The following GABRB3 variants were observed in gnomAD, a reference collection of about 807,000 sequenced individuals.
GABRB3 encodes the protein gamma-aminobutyric acid receptor subunit beta-3.
GABRB3 carries 14 observed loss-of-function variants against 52.1 expected under a neutral mutation model. The observed-to-expected ratio is 0.27, with a 90% CI of 0.18 to 0.42. The LOEUF (loss-of-function observed/expected upper bound fraction) is 0.42, where lower values mean the gene tolerates loss of function less well. GABRB3 is among the 10% of genes least tolerant of loss of function. GABRB3 has a pLI of 1.00. For synonymous variants in GABRB3, 260 were observed against 232.3 expected, an observed-to-expected ratio of 1.12 and a Z score of -1.08; for missense variants, 307 against 609.1, an observed-to-expected ratio of 0.50 and a Z score of 5.22.
intron 3 of GABRB3, among the ~76,000 whole-genome samples, chr15:26,753,986 A>G (rs1017739580): frequency 2.8e-4 from 42 of 152,214 alleles, no homozygotes; most frequent in African/African-American, 9.9e-4. Flanking sequence ...AAGATAAAAT[A>G]ATAAATGTAT....
At position 26,545,478 on chromosome 15, in the gene GABRB3, A is replaced by G. The variant is rs1254406155; in HGVS notation, c.*2315T>C. On this transcript the variant is annotated 3_prime_UTR_variant, in exon 9 of 9. Transcript: ENST00000311550. Reference sequence around the variant, plus strand: ...TTTAAATCACTTTTCTCCCAGAAAGAATTAATGTCACAGTTCTGAATAGTA... The same window carrying G: ...TTTAAATCACTTTTCTCCCAGAAAGGATTAATGTCACAGTTCTGAATAGTA... The G allele has an allele frequency of 6.6e-6, 1 of 152,606 alleles. No homozygotes were observed. Among genetic ancestry groups the G allele is most frequent in the African/African-American group, 2.4e-5 (1 of 41,442 alleles). The allele number at this position is 152,606 out of a possible 1,614,324, so 9.5% of individuals were successfully genotyped here.
chr15:26,568,148 A>C (rs1567113767), intron 6 of GABRB3, among the ~76,000 whole-genome samples: 1 of 152,186 alleles, frequency 6.6e-6, no homozygotes, highest in African/African-American at 2.4e-5. Context: ...GCCCACCTGG[A>C]GTTCAGCCCT....
chr15:26,687,449 C>T (rs61998713), intron 3 of GABRB3, among the ~76,000 whole-genome samples: 17,104 of 152,096 alleles, frequency 0.11, 1,062 homozygotes, highest in Non-Finnish European at 0.15. Context: ...CCTAAATCAG[C>T]GTGACCTGAC....
chr15:26,655,733 C>T (rs1162092701), intron 3 of GABRB3, among the ~76,000 whole-genome samples: 3 of 146,948 alleles, frequency 2.0e-5, no homozygotes, highest in East Asian at 4.1e-4. Flanking sequence ...CACAGCGAGA[C>T]TCTGTCTCAA....
At chr15:26,734,912 TCAAAACAAAA>T (rs1237465656) in intron 3 of GABRB3, among the ~76,000 whole-genome samples, 1 of 151,750 alleles carries the variant, frequency 6.6e-6, no homozygotes, top group Non-Finnish European at 1.5e-5. Flanking sequence ...CAAGAACCAG[TCAAAACAAAA>T]CAAAACAAAA....
At chr15:26,688,574 T>C (rs1390603819) in intron 3 of GABRB3, among the ~76,000 whole-genome samples, 1 of 152,166 alleles carries the variant, frequency 6.6e-6, no homozygotes, top group Non-Finnish European at 1.5e-5. Flanking sequence ...GAGCCATAGG[T>C]GTGTCACCGA....
intron 3 of GABRB3, among the ~76,000 whole-genome samples, chr15:26,717,568 C>A (rs1034375962): frequency 6.6e-6 from 1 of 152,222 alleles, no homozygotes; most frequent in Non-Finnish European, 1.5e-5. Flanking sequence ...GCCTTCCCAA[C>A]AACGCTCATC....
At position 26,772,394 on chromosome 15, in the gene GABRB3, G is replaced by C. The variant is rs778479790; in HGVS notation, c.240+8C>G. 1 of 1,605,460 alleles carries C rather than the reference G, an allele frequency of 6.2e-7. No individual in the cohort carries two copies. The highest frequency in any genetic ancestry group is 1.3e-5 in the African/African-American group (1 of 74,672). Reference sequence around the variant, plus strand: ...CTCAGGGACCGCCCTGGGAGGGCGGGCACTCACCATGTTGACTTCGGAAAC... The same window carrying C: ...CTCAGGGACCGCCCTGGGAGGGCGGCCACTCACCATGTTGACTTCGGAAAC... On this transcript the variant is annotated splice_region_variant and intron_variant, in intron 3 of 8. Transcript: ENST00000311550.
At chr15:26,607,114 G>A (rs1435207072) in intron 4 of GABRB3, among the ~76,000 whole-genome samples, 2 of 151,982 alleles carry the variant, frequency 1.3e-5, no homozygotes, top group African/African-American at 4.8e-5. Flanking sequence ...TCTGATTCCC[G>A]TACCTCACTT....
At chr15:26,773,626 C>G (rs536031008), upstream of GABRB3, 193 of 1,548,600 alleles carry the variant, frequency 1.2e-4, 1 homozygote, top group South Asian at 2.2e-3. Flanking sequence ...TGCAGAACGC[C>G]GGGAAGCCCC....
intron 4 of GABRB3, among the ~76,000 whole-genome samples, chr15:26,607,079 A>C (rs1164254602): frequency 6.6e-6 from 1 of 152,112 alleles, no homozygotes; most frequent in Non-Finnish European, 1.5e-5. Context: ...AGCTGTAACC[A>C]ATCTCGCTGT....
chr15:26,614,787 T>G (rs1420699892), intron 4 of GABRB3: 4 of 152,234 alleles, frequency 2.6e-5, no homozygotes, highest in African/African-American at 9.6e-5. Flanking sequence ...ATTTTAATAT[T>G]GCTTTCAATC....
intron 3 of GABRB3, among the ~76,000 whole-genome samples, chr15:26,688,421 T>A (rs1197272366): frequency 6.6e-6 from 1 of 152,170 alleles, no homozygotes; most frequent in Non-Finnish European, 1.5e-5. Context: ...TTTACAATTA[T>A]CTGTCCATGG....
At chr15:26,628,693 A>C (rs1892805071) in intron 3 of GABRB3, among the ~76,000 whole-genome samples, 1 of 144,550 alleles carries the variant, frequency 6.9e-6, no homozygotes, top group South Asian at 2.3e-4. Context: ...AAAAAAACAA[A>C]AAAACAAAAC....
At chr15:26,557,904 T>G (rs1207051040) in intron 8 of GABRB3, 1 of 152,222 alleles carries the variant, frequency 6.6e-6, no homozygotes, top group Admixed American at 6.5e-5. Context: ...TTTTTGTCTT[T>G]TTATCTTAGA....
chr15:26,761,973 C>T (rs1011969306), intron 3 of GABRB3, among the ~76,000 whole-genome samples: 3 of 152,130 alleles, frequency 2.0e-5, no homozygotes, highest in Non-Finnish European at 2.9e-5. Context: ...GCTGGGATTA[C>T]AGGAGAGTGC....
At chr15:26,591,751 G>T (rs1891214515) in intron 4 of GABRB3, among the ~76,000 whole-genome samples, 1 of 152,162 alleles carries the variant, frequency 6.6e-6, no homozygotes, top group African/African-American at 2.4e-5. Context: ...GCACTTGGGG[G>T]TTTCACAATC....
chr15:26,562,318 C>T (rs141084490), intron 7 of GABRB3, among the ~76,000 whole-genome samples: 2 of 152,314 alleles, frequency 1.3e-5, no homozygotes, highest in Admixed American at 6.5e-5. Flanking sequence ...CTCTTTTCTA[C>T]GTATGCCACT....
In GABRB3 at chr15:26,772,489, C is replaced by T. The variant is rs766150547; in HGVS notation, c.173-20G>A. Reference sequence around the variant, plus strand: ...GGGGACCTGCGGGAAGCACAGGACACGGCGATCAGCCCAGCTCCGGCGCGG... The same window carrying T: ...GGGGACCTGCGGGAAGCACAGGACATGGCGATCAGCCCAGCTCCGGCGCGG... On this transcript the variant is annotated intron_variant, in intron 2 of 8. Coordinates refer to ENST00000311550, the MANE Select transcript of GABRB3 (RefSeq NM_000814.6). 2.5e-6 allele frequency: 4 copies of T among 1,607,806 alleles called. No homozygotes were observed. In the African/African-American group the frequency reaches 5.3e-5, roughly 21 times the overall value.
Sources: gnomAD v4.1 joint callset for allele counts (sites outside exome capture counted in the v4.1 genomes callset) on GRCh38, gnomAD v4.1.1 for gene constraint, MANE v1.5 for transcripts, NCBI Gene and HGNC (gene_info 2026-07-23, HGNC 2026-07-21) for gene names.